Variants in TTC13 observed in about 807,000 individuals in gnomAD.
TTC13 encodes the protein tetratricopeptide repeat domain 13, also known as tetratricopeptide repeat protein 13.
In TTC13, 62 loss-of-function variants were observed where a neutral mutation model predicts 120.0. That is an observed-to-expected ratio of 0.52 (90% CI 0.42 to 0.64). The LOEUF (loss-of-function observed/expected upper bound fraction) is 0.64. Among genes scored for constraint, TTC13 ranks in the 30% least tolerant of loss-of-function variants. TTC13 has a pLI of 0.00. For synonymous variants in TTC13, 384 were observed against 393.5 expected (o/e 0.98, Z 0.28); for missense variants, 824 against 1,050.2 (o/e 0.78, Z 2.98).
At chr1:230,961,858 T>C (rs998569025) in intron 1 of TTC13, among the ~76,000 whole-genome samples, 1 of 152,048 alleles carries the variant, frequency 6.6e-6, no homozygotes, top group East Asian at 1.9e-4. Context: ...GCATTTACCA[T>C]AGATTAAAAA....
chr1:230,969,524 T>G (rs1677506233), intron 1 of TTC13, among the ~76,000 whole-genome samples: 1 of 152,256 alleles, frequency 6.6e-6, no homozygotes, highest in Non-Finnish European at 1.5e-5. Context: ...TCATTTTTCT[T>G]GATTAGGCTT....
At chr1:230,943,060 T>A (rs921316654) in intron 6 of TTC13, among the ~76,000 whole-genome samples, 1 of 152,166 alleles carries the variant, frequency 6.6e-6, no homozygotes, top group African/African-American at 2.4e-5. Flanking sequence ...CACATACACA[T>A]CAGCAGAATG....
chr1:230,912,552 G>C (rs113327241), intron 19 of TTC13, 71 bp downstream of exon 19: 16,055 of 1,522,528 alleles, frequency 0.011, 284 homozygotes, highest in African/African-American at 0.072. Flanking sequence ...CTCAGTGAAA[G>C]GGCAGAGGTT....
chr1:230,975,103 G>A (rs999878109), intron 1 of TTC13, among the ~76,000 whole-genome samples: 7 of 152,040 alleles, frequency 4.6e-5, no homozygotes, highest in African/African-American at 9.7e-5. Context: ...GGCCAGGCAC[G>A]GTGTCTCACG....
intron 20 of TTC13, among the ~76,000 whole-genome samples, chr1:230,910,412 A>T (rs561235250): frequency 1.0e-3 from 155 of 152,336 alleles, no homozygotes; most frequent in Admixed American, 3.3e-3. Flanking sequence ...GCTTAAACCC[A>T]TGGTTTTCAG....
intron 12 of TTC13, among the ~76,000 whole-genome samples, chr1:230,928,128 C>T (rs974433500): frequency 6.6e-6 from 1 of 152,106 alleles, no homozygotes; most frequent in Non-Finnish European, 1.5e-5. Context: ...TACTCTTGGT[C>T]CTTTGTTCTT....
chr1:230,957,661 A>T (rs1258323975), intron 3 of TTC13, among the ~76,000 whole-genome samples: 1 of 152,206 alleles, frequency 6.6e-6, no homozygotes, highest in African/African-American at 2.4e-5. Flanking sequence ...AACTCACTAG[A>T]CAGCGAGGGA....
intron 22 of TTC13, 96 bp from the exon 23 acceptor site, chr1:230,907,115 T>C: frequency 8.5e-6 from 4 of 473,058 alleles, no homozygotes; most frequent in Non-Finnish European, 1.5e-5. Context: ...ATATTTATTA[T>C]ATTCATGTTG....
Position 230,976,279 on chromosome 1 carries a change from G to A in TTC13, c.271+2281C>T, listed in dbSNP as rs557479511. Reference sequence around the variant, plus strand: ...CCTAATGTTGCTCAAATGGGTCTCCGGATACAGAGCATCAGCTGCCCCTCA... The same window carrying A: ...CCTAATGTTGCTCAAATGGGTCTCCAGATACAGAGCATCAGCTGCCCCTCA... On this transcript the variant is annotated intron_variant, in intron 1 of 22. Transcript: ENST00000366661. Among the ~76,000 whole-genome samples, 5 of 152,246 alleles carry A rather than the reference G, an allele frequency of 3.3e-5. No homozygotes were observed. The South Asian group carries it at 6.2e-4, about 19-fold the overall frequency.
intron 12 of TTC13, among the ~76,000 whole-genome samples, chr1:230,926,505 TC>T (rs964778912): frequency 2.4e-4 from 37 of 152,214 alleles, no homozygotes; most frequent in African/African-American, 8.7e-4. Flanking sequence ...TGAATAGAAA[TC>T]ACACTGTTTG....
At chr1:230,922,671 C>T (rs926318209) in intron 15 of TTC13, among the ~76,000 whole-genome samples, 1 of 152,200 alleles carries the variant, frequency 6.6e-6, no homozygotes, top group Non-Finnish European at 1.5e-5. Context: ...AATCACCCCA[C>T]CTCTCTCTGT....
chr1:230,931,541 C>G, intron 10 of TTC13, 69 bp from the exon 11 acceptor site: 2 of 1,563,600 alleles, frequency 1.3e-6, no homozygotes, highest in Non-Finnish European at 1.7e-6. Flanking sequence ...ATTCTTTACT[C>G]TGGAATTAGT....
chr1:230,907,782 G>T (rs2102715107), intron 22 of TTC13, among the ~76,000 whole-genome samples: 1 of 152,308 alleles, frequency 6.6e-6, no homozygotes, highest in South Asian at 2.1e-4. Flanking sequence ...GGCAAAACTG[G>T]GGGTGGTTGG....
At chr1:230,958,475 G>A (rs765759702) in intron 2 of TTC13, among the ~76,000 whole-genome samples, 176 bp from the exon 3 acceptor site, 6 of 152,190 alleles carry the variant, frequency 3.9e-5, no homozygotes, top group African/African-American at 9.7e-5. Flanking sequence ...GTAGAACCTT[G>A]ATGACGAGAG....
chr1:230,947,199 C>G (rs532486223), intron 4 of TTC13, among the ~76,000 whole-genome samples: 2 of 152,030 alleles, frequency 1.3e-5, no homozygotes, highest in South Asian at 2.1e-4. Flanking sequence ...GCCTGCCCCC[C>G]CAGAGATAAG....
chr1:230,966,912 A>C (rs1677181397), intron 1 of TTC13, among the ~76,000 whole-genome samples: 1 of 152,144 alleles, frequency 6.6e-6, no homozygotes. Flanking sequence ...CTGTGCTCTT[A>C]GCCATGAATA....
chr1:230,957,302 C>T (rs376673296), intron 3 of TTC13, among the ~76,000 whole-genome samples: 21 of 152,042 alleles, frequency 1.4e-4, no homozygotes, highest in Non-Finnish European at 1.5e-4. Flanking sequence ...TAGCCAGGCA[C>T]GGTGGTGTGC....
In TTC13 at chr1:230,940,631, A is replaced by G; in HGVS notation, c.673-75T>C. The G allele has an allele frequency of 1.1e-6, 1 of 924,062 alleles. No homozygotes were observed. The highest frequency in any genetic ancestry group is 1.4e-5 in the South Asian group (1 of 73,210). 57.2% of individuals were successfully genotyped at this position (924,062 alleles called of 1,614,324 possible). On this transcript the variant is annotated intron_variant, in intron 6 of 22. Transcript: ENST00000366661. This position sits in a 1 kb window ranked among gnomAD's most constrained non-coding sequence, Gnocchi z 4.1. ...AAATCCCAATGTTTTTGACTCTTCA[A>G]TTCCACCTCACCATACTCCACTCAA...
At chr1:230,917,999 G>T (rs563668001) in intron 17 of TTC13, among the ~76,000 whole-genome samples, 133 of 152,208 alleles carry the variant, frequency 8.7e-4, no homozygotes, top group Non-Finnish European at 1.3e-3. Context: ...ACAGGGATTG[G>T]ACAGTTGGGA....
Sources: gnomAD v4.1 joint callset for allele counts (sites outside exome capture counted in the v4.1 genomes callset) on GRCh38, gnomAD v4.1.1 for gene constraint, Gnocchi (gnomAD v3.1) non-coding constraint, MANE v1.5 for transcripts, NCBI Gene and HGNC (gene_info 2026-07-23, HGNC 2026-07-21) for gene names.